The following L2HGDH variants were observed in gnomAD, a reference collection of about 807,000 sequenced individuals.
L2HGDH encodes L-2-hydroxyglutarate dehydrogenase.
L2HGDH carries 34 observed loss-of-function variants against 51.5 expected under a neutral mutation model. The ratio of observed to expected loss-of-function variants is 0.66; its 90% CI spans 0.50 to 0.88. The LOEUF is 0.88. Ranked by LOEUF, L2HGDH falls within the 40% of genes least tolerant of loss-of-function variation. The pLI is 0.00. For missense variants in L2HGDH, 558 were observed against 571.9 expected (o/e 0.98, Z 0.25); for synonymous variants, 198 against 197.9 (o/e 1.00, Z -0.01).
At chr14:50,290,539 T>C (rs1004810938) in intron 4 of L2HGDH, among the ~76,000 whole-genome samples, 1 of 152,242 alleles carries the variant, frequency 6.6e-6, no homozygotes, top group Admixed American at 6.5e-5. Flanking sequence ...TTTGACTATC[T>C]AGGCTTATGA....
At chr14:50,261,901 G>T (rs1172813028) in intron 9 of L2HGDH, among the ~76,000 whole-genome samples, 2 of 152,084 alleles carry the variant, frequency 1.3e-5, no homozygotes, top group Admixed American at 1.3e-4. Flanking sequence ...GTAAATTATT[G>T]CCCAAAATGC....
At position 50,243,366 on chromosome 14, in the gene L2HGDH, T is replaced by A. The variant is rs1887871972; in HGVS notation, c.*3692A>T. ...TATACTAACACAGAAATGAGTTTTTTAAAAAGGTTGGCTGCTATCTATCTA... is the reference window on the plus strand; with the variant it reads ...TATACTAACACAGAAATGAGTTTTTAAAAAAGGTTGGCTGCTATCTATCTA... On this transcript the variant is annotated 3_prime_UTR_variant, in exon 10 of 10. Transcript: ENST00000267436. 14 of 984,370 alleles carry A rather than the reference T, an allele frequency of 1.4e-5. No individual in the cohort carries two copies. The South Asian group carries it at 6.1e-4, about 43-fold the overall frequency. 61.0% of individuals were successfully genotyped at this position (984,370 alleles called of 1,614,324 possible). A position where few individuals can be genotyped will look rare whatever the true frequency, so the allele number is the denominator to read the frequency against.
At chr14:50,285,005 T>C (rs1042378822) in intron 4 of L2HGDH, among the ~76,000 whole-genome samples, 1 of 152,192 alleles carries the variant, frequency 6.6e-6, no homozygotes, top group Non-Finnish European at 1.5e-5. Flanking sequence ...CCCAGCACTT[T>C]GGGAGGCTGA....
chr14:50,311,421 C>G (rs1249964292), intron 1 of L2HGDH: 3 of 455,940 alleles, frequency 6.6e-6, no homozygotes, highest in Non-Finnish European at 1.3e-5. Flanking sequence ...AGCCTTCACA[C>G]AAACTGTTTC....
intron 3 of L2HGDH, among the ~76,000 whole-genome samples, chr14:50,297,031 T>A (rs571105793): frequency 6.6e-6 from 1 of 152,186 alleles, no homozygotes. Context: ...ATCACCTTGA[T>A]AGAAGCAGAA....
At position 50,245,820 on chromosome 14, in the gene L2HGDH, T is replaced by A. The variant is rs1462306680; in HGVS notation, c.*1238A>T. 1.0e-6 allele frequency: 1 copy of A among 985,254 alleles called. No homozygotes were observed. The highest frequency in any genetic ancestry group is 1.1e-4 in the East Asian group (1 of 8,824). 61.0% of individuals were successfully genotyped at this position (985,254 alleles called of 1,614,324 possible). A position where few individuals can be genotyped will look rare whatever the true frequency, so the allele number is the denominator to read the frequency against. On this transcript the variant is annotated 3_prime_UTR_variant, in exon 10 of 10. Coordinates refer to ENST00000267436, the MANE Select transcript of L2HGDH (RefSeq NM_024884.3). ...GTCATGGTTGGTAAGGACAGGTCAT[T>A]AACAAAGTCAGGGATTCAGGGCTGA... is the stretch of plus-strand genomic sequence containing the variant.
chr14:50,308,439 A>G (rs924850602), intron 1 of L2HGDH, among the ~76,000 whole-genome samples: 8 of 152,166 alleles, frequency 5.3e-5, no homozygotes, highest in Non-Finnish European at 1.0e-4. Context: ...ATATTTCATC[A>G]AAGAGGACAG....
chr14:50,263,920 CAT>C (rs1889189488), intron 9 of L2HGDH, among the ~76,000 whole-genome samples: 1 of 151,252 alleles, frequency 6.6e-6, no homozygotes, highest in Admixed American at 6.6e-5. Context: ...GGATTACAGG[CAT>C]GTGCCACCAT....
In L2HGDH at chr14:50,245,235, G is replaced by A. The variant is rs1446975275; in HGVS notation, c.*1823C>T. On this transcript the variant is annotated 3_prime_UTR_variant, in exon 10 of 10. Coordinates refer to ENST00000267436, the MANE Select transcript of L2HGDH (RefSeq NM_024884.3). ...CATTACCAATCTTGGCCAACATTTT[G>A]AGAGCCTTAGTGTGACTAAAGATCA... The A allele has an allele frequency of 1.0e-6, 1 of 985,100 alleles. No individual in the cohort carries two copies. Among genetic ancestry groups the A allele is most frequent in the Non-Finnish European group, 1.2e-6 (1 of 829,738 alleles). The allele number at this position is 985,100 out of a possible 1,614,324, so 61.0% of individuals were successfully genotyped here.
intron 6 of L2HGDH, among the ~76,000 whole-genome samples, chr14:50,276,360 G>A (rs1889979885): frequency 6.6e-6 from 1 of 152,090 alleles, no homozygotes; most frequent in Non-Finnish European, 1.5e-5. Flanking sequence ...ACAGAAATGA[G>A]GGATGTTATC....
intron 3 of L2HGDH, 106 bp from the exon 4 acceptor site, chr14:50,294,352 G>T: frequency 2.7e-6 from 3 of 1,097,794 alleles, no homozygotes; most frequent in Non-Finnish European, 3.8e-6. Flanking sequence ...CCCAAAGGAG[G>T]TTAATTTTTT....
chr14:50,254,183 TAA>T (rs1566503241), intron 9 of L2HGDH, among the ~76,000 whole-genome samples: 1 of 152,024 alleles, frequency 6.6e-6, no homozygotes, highest in East Asian at 1.9e-4. Context: ...TAAAAATAAC[TAA>T]GAGTGTAATT....
intron 4 of L2HGDH, among the ~76,000 whole-genome samples, chr14:50,285,166 G>C (rs1890500129): frequency 6.6e-6 from 1 of 152,196 alleles, no homozygotes; most frequent in Non-Finnish European, 1.5e-5. Context: ...AGAATTGCTT[G>C]AACCCCAGAG....
rs1887849781 is a variant in L2HGDH at position 50,242,608 on chromosome 14, T to C, written c.*4450A>G. The C allele has an allele frequency of 2.0e-6, 2 of 985,024 alleles. No homozygotes were observed. The highest frequency in any genetic ancestry group is 6.1e-5 in the Admixed American group (1 of 16,266). 61.0% of individuals were successfully genotyped at this position (985,024 alleles called of 1,614,324 possible). On this transcript the variant is annotated 3_prime_UTR_variant, in exon 10 of 10. Coordinates refer to ENST00000267436, the MANE Select transcript of L2HGDH (RefSeq NM_024884.3). The stretch of plus-strand genomic sequence containing the variant: ...TTCAGGGCTTCAGGGTTTATTTCCA[T>C]TCTTAAGCTATTTAATGAGTACAAA...
In L2HGDH at chr14:50,243,123, A is replaced by G. The variant is rs1042502176; in HGVS notation, c.*3935T>C. 1.0e-6 allele frequency: 1 copy of G among 985,336 alleles called. No individual in the cohort carries two copies. Among genetic ancestry groups the G allele is most frequent in the Non-Finnish European group, 1.2e-6 (1 of 829,956 alleles). The allele number at this position is 985,336 out of a possible 1,614,324, so 61.0% of individuals were successfully genotyped here. ...GGAAAGTGGAATTCTGCCAACAGTA[A>G]AGGCAACTCCCCAAACAGTGCTAAT... On this transcript the variant is annotated 3_prime_UTR_variant, in exon 10 of 10. Coordinates refer to ENST00000267436, the MANE Select transcript of L2HGDH (RefSeq NM_024884.3).
chr14:50,305,809 A>T (rs1420290648), intron 1 of L2HGDH, among the ~76,000 whole-genome samples: 1 of 152,206 alleles, frequency 6.6e-6, no homozygotes, highest in Non-Finnish European at 1.5e-5. Flanking sequence ...CGTATGTTCA[A>T]GTCTTGTATA....
At position 50,242,738 on chromosome 14, in the gene L2HGDH, G is replaced by GT. The variant is rs3841295; in HGVS notation, c.*4319dup. The GT allele has an allele frequency of 8.3e-4, 815 of 985,384 alleles. 10 individuals carry two copies. In the East Asian group the frequency reaches 0.048, roughly 58 times the overall value. 61.0% of individuals were successfully genotyped at this position (985,384 alleles called of 1,614,324 possible). A position where few individuals can be genotyped will look rare whatever the true frequency, so the allele number is the denominator to read the frequency against. ...GATTTCAAAAACTCCCTTTGAGTGT[G>GT]TTAGAAAAGCTTAGAAACTGACTTT... On this transcript the variant is annotated 3_prime_UTR_variant, in exon 10 of 10. Transcript: ENST00000267436.
intron 9 of L2HGDH, among the ~76,000 whole-genome samples, chr14:50,250,382 G>A (rs901577996): frequency 2.6e-5 from 4 of 152,268 alleles, no homozygotes; most frequent in Non-Finnish European, 5.9e-5. Flanking sequence ...GGTGGTGGTA[G>A]CCACAGGGAG....
At chr14:50,281,598 A>G (rs949002719) in intron 5 of L2HGDH, among the ~76,000 whole-genome samples, 4 of 152,148 alleles carry the variant, frequency 2.6e-5, no homozygotes, top group Non-Finnish European at 4.4e-5. Flanking sequence ...ATCTCAAAAA[A>G]AATAAAATAA....
Sources: allele counts gnomAD v4.1 joint callset (sites outside exome capture counted in the v4.1 genomes callset), GRCh38; gene constraint gnomAD v4.1.1; transcripts MANE v1.5; gene names NCBI Gene and HGNC (gene_info 2026-07-23, HGNC 2026-07-21).